The following RPS6KC1 variants were observed in gnomAD, a reference collection of about 807,000 sequenced individuals.
RPS6KC1 encodes ribosomal protein S6 kinase C1, also known as inactive ribosomal protein S6 kinase delta-1.
Under a neutral mutation model 103.8 loss-of-function variants are expected in RPS6KC1, and 54 were observed. The observed-to-expected ratio is 0.52, with a 90% confidence interval of 0.42 to 0.65. The LOEUF is 0.65. Among genes scored for constraint, RPS6KC1 ranks in the 30% least tolerant of loss-of-function variants. RPS6KC1 has a pLI of 0.00. For missense variants in RPS6KC1, 1,151 were observed against 1,253.8 expected (o/e 0.92, Z 1.24); for synonymous variants, 439 against 438.7 (o/e 1.00, Z -0.01).
chr1:213,214,767 G>A (rs186193668), intron 8 of RPS6KC1, among the ~76,000 whole-genome samples: 78 of 152,272 alleles, frequency 5.1e-4, no homozygotes, highest in African/African-American at 1.8e-3. Flanking sequence ...GGCAAACAGG[G>A]TCTGGAGTGG....
At chr1:213,822,967 G>A in the RPS6KC1 span, among the ~76,000 whole-genome samples, 1 of 152,092 alleles carries the variant, frequency 6.6e-6, no homozygotes, top group Non-Finnish European at 1.5e-5. Context: ...ATTCTGTCCA[G>A]CCCAAATACT....
the RPS6KC1 span, among the ~76,000 whole-genome samples, chr1:213,718,613 T>C: frequency 3.9e-5 from 6 of 152,220 alleles, no homozygotes; most frequent in Non-Finnish European, 8.8e-5. Context: ...TTCTCCATTT[T>C]TCCAAAGGGG....
At chr1:213,492,418 C>T in the RPS6KC1 span, 3 of 152,186 alleles carry the variant, frequency 2.0e-5, no homozygotes, top group African/African-American at 7.2e-5. Flanking sequence ...CACATATTAA[C>T]AACAGAGCCT....
chr1:213,504,229 T>C, the RPS6KC1 span, among the ~76,000 whole-genome samples: 1 of 152,240 alleles, frequency 6.6e-6, no homozygotes, highest in Non-Finnish European at 1.5e-5. Context: ...AATTCTATCA[T>C]AGTCAAGTAG....
chr1:213,268,483 A>G (rs2149159862), intron 14 of RPS6KC1, among the ~76,000 whole-genome samples: 1 of 151,422 alleles, frequency 6.6e-6, no homozygotes, highest in African/African-American at 2.4e-5. Context: ...CAAGGAGGAA[A>G]TGAGGAACAC....
chr1:213,649,572 G>C, the RPS6KC1 span, among the ~76,000 whole-genome samples: 1 of 152,212 alleles, frequency 6.6e-6, no homozygotes, highest in African/African-American at 2.4e-5. Flanking sequence ...GGTCCTCTGG[G>C]AAGCCTTTGC....
the RPS6KC1 span, among the ~76,000 whole-genome samples, chr1:213,759,747 T>G: frequency 5.9e-5 from 9 of 152,356 alleles, no homozygotes; most frequent in East Asian, 1.9e-4. Context: ...GAGGCAATGG[T>G]CCTTAGGACC....
At chr1:213,533,094 C>T in the RPS6KC1 span, among the ~76,000 whole-genome samples, 9 of 152,214 alleles carry the variant, frequency 5.9e-5, no homozygotes, top group South Asian at 2.1e-4. Flanking sequence ...CAGAGTGCTT[C>T]GATCAGAGCT....
At chr1:213,488,548 A>G in the RPS6KC1 span, among the ~76,000 whole-genome samples, 1 of 152,310 alleles carries the variant, frequency 6.6e-6, no homozygotes, top group East Asian at 1.9e-4. Flanking sequence ...GAGATTAAAG[A>G]GTGGACTTTC....
At chr1:213,701,405 A>C in the RPS6KC1 span, among the ~76,000 whole-genome samples, 1 of 152,154 alleles carries the variant, frequency 6.6e-6, no homozygotes, top group East Asian at 1.9e-4. Context: ...AATAAATCCC[A>C]CTTGGTCATG....
the RPS6KC1 span, among the ~76,000 whole-genome samples, chr1:213,536,009 G>A: frequency 3.3e-5 from 5 of 152,116 alleles, no homozygotes; most frequent in Non-Finnish European, 1.5e-5. Context: ...TGGAGGCCGA[G>A]AAGGCAGCCA....
the RPS6KC1 span, among the ~76,000 whole-genome samples, chr1:213,587,140 C>G: frequency 1.5e-3 from 236 of 152,290 alleles, 1 homozygote; most frequent in African/African-American, 5.2e-3. Flanking sequence ...TTTCCAGGAC[C>G]TGCCCAGGGA....
At chr1:213,773,060 C>T in the RPS6KC1 span, among the ~76,000 whole-genome samples, 2 of 152,296 alleles carry the variant, frequency 1.3e-5, no homozygotes, top group East Asian at 1.9e-4. Flanking sequence ...CCCTTCAGTC[C>T]TCTGGTGAGA....
the RPS6KC1 span, among the ~76,000 whole-genome samples, chr1:213,608,318 T>C: frequency 3.3e-5 from 5 of 152,270 alleles, no homozygotes; most frequent in East Asian, 5.8e-4. Context: ...GTGGGTCTGT[T>C]TGGCTCTTTT....
At position 213,232,145 on chromosome 1, in the gene RPS6KC1, A is replaced by G. The variant is rs766524414; in HGVS notation, c.1115A>G (p.Tyr372Cys). The G allele has an allele frequency of 1.9e-6, 3 of 1,613,942 alleles. No homozygotes were observed. Among genetic ancestry groups the G allele is most frequent in the Non-Finnish European group, 2.5e-6 (3 of 1,179,878 alleles). ...CAGGGTCTAAGGAAAAGCAGTGAATACAGCAGGAACAGAAAGACCATCATC... is the reference window on the plus strand; with the variant it reads ...CAGGGTCTAAGGAAAAGCAGTGAATGCAGCAGGAACAGAAAGACCATCATC... Reference protein sequence around the residue: ...ILKGLRKSSEYSRNRKTIIPR... With the variant: ...ILKGLRKSSECSRNRKTIIPR... The change falls in exon 10 of 15, where the codon TAC (tyrosine) becomes TGC (cysteine). Residue 372 changes from tyrosine (Y) to cysteine (C), a missense_variant. Around this residue, in one of 3 missense-constraint regions of RPS6KC1, gnomAD observed 959 missense variants for 1,006.3 expected, o/e 0.95. Transcript: ENST00000366960.
At chr1:213,347,612 G>A in the RPS6KC1 span, among the ~76,000 whole-genome samples, 2 of 152,172 alleles carry the variant, frequency 1.3e-5, no homozygotes, top group South Asian at 4.1e-4. Flanking sequence ...GCTGAGGCAA[G>A]AGAATCACTT....
chr1:213,348,557 C>T, the RPS6KC1 span, among the ~76,000 whole-genome samples: 2 of 152,236 alleles, frequency 1.3e-5, no homozygotes, highest in Middle Eastern at 3.4e-3. Flanking sequence ...ATGCAAAAAA[C>T]GTGGGACTTA....
At chr1:213,776,747 T>A in the RPS6KC1 span, among the ~76,000 whole-genome samples, 2 of 152,196 alleles carry the variant, frequency 1.3e-5, no homozygotes, top group Non-Finnish European at 2.9e-5. Flanking sequence ...ACTTCTCCTC[T>A]CTAGCTATGA....
the RPS6KC1 span, among the ~76,000 whole-genome samples, chr1:213,834,606 C>A: frequency 6.6e-6 from 1 of 151,976 alleles, no homozygotes; most frequent in Admixed American, 6.6e-5. Context: ...CACTAACAAC[C>A]TATTCTTAAA....
Sources: gnomAD v4.1 joint callset for allele counts (sites outside exome capture counted in the v4.1 genomes callset) on GRCh38, gnomAD v4.1.1 for gene constraint, gnomAD v4.1.1 regional missense constraint, MANE v1.5 for transcripts, NCBI Gene and HGNC (gene_info 2026-07-23, HGNC 2026-07-21) for gene names.